HLCS: variants seen among roughly 807,000 people sequenced by gnomAD.
HLCS encodes the protein biotin--protein ligase.
A neutral mutation model predicts 75.0 loss-of-function variants in HLCS; 53 were observed. The ratio of observed to expected loss-of-function variants is 0.71; its 90% CI spans 0.57 to 0.89. The LOEUF is 0.89. Ranked by LOEUF, HLCS falls within the 40% of genes least tolerant of loss-of-function variation. The pLI, the probability that HLCS is intolerant of heterozygous loss-of-function variation, is 0.00. For synonymous variants in HLCS, 431 were observed against 428.6 expected (o/e 1.01, Z -0.07); for missense variants, 966 against 1,074.0 (o/e 0.90, Z 1.41).
intron 5 of HLCS, among the ~76,000 whole-genome samples, chr21:36,920,812 T>C (rs552107370): frequency 6.6e-6 from 1 of 152,288 alleles, no homozygotes; most frequent in East Asian, 1.9e-4. Context: ...TAAAGCATTT[T>C]ATTAACTAAA....
upstream of HLCS, among the ~76,000 whole-genome samples, chr21:36,971,149 G>C (rs13049080): frequency 0.21 from 31,235 of 152,060 alleles, 3,440 homozygotes; most frequent in East Asian, 0.34. Context: ...ACAATATTTA[G>C]AGCATCAAAA....
At chr21:36,948,180 A>G (rs2067494802) in intron 2 of HLCS, 1 of 154,546 alleles carries the variant, frequency 6.5e-6, no homozygotes, top group African/African-American at 2.4e-5. Flanking sequence ...AGTCCCAGCT[A>G]CTCGGGATGC....
intron 5 of HLCS, among the ~76,000 whole-genome samples, chr21:36,903,647 C>G (rs1056182222): frequency 1.3e-5 from 2 of 152,094 alleles, no homozygotes. Flanking sequence ...AGGAATAATG[C>G]AGGAATTATC....
At chr21:36,868,295 A>G (rs182414273) in intron 6 of HLCS, among the ~76,000 whole-genome samples, 108 of 103,806 alleles carry the variant, frequency 1.0e-3, no homozygotes, top group African/African-American at 5.0e-3. Flanking sequence ...AAGAAAGAAA[A>G]AGAAAAACAG....
chr21:36,766,846 C>T (rs1332523565), intron 7 of HLCS, among the ~76,000 whole-genome samples: 9 of 152,154 alleles, frequency 5.9e-5, no homozygotes, highest in Non-Finnish European at 1.0e-4. Context: ...AGGCCTCCCA[C>T]ATGACGCTCA....
chr21:36,835,608 C>T (rs1272016114), intron 6 of HLCS, among the ~76,000 whole-genome samples: 1 of 152,160 alleles, frequency 6.6e-6, no homozygotes, highest in East Asian at 1.9e-4. Context: ...CTCTCACTGG[C>T]CCAGGCAGGC....
chr21:36,780,365 C>T (rs529116912), intron 6 of HLCS, among the ~76,000 whole-genome samples: 1 of 152,188 alleles, frequency 6.6e-6, no homozygotes, highest in South Asian at 2.1e-4. Context: ...ACTACAGGTG[C>T]CCACCACCAC....
chr21:36,891,587 G>A (rs1027643310), intron 6 of HLCS, among the ~76,000 whole-genome samples: 3 of 152,110 alleles, frequency 2.0e-5, no homozygotes, highest in Admixed American at 2.0e-4. Flanking sequence ...ACCTTTGATC[G>A]AGTCCTGACC....
At chr21:36,989,046 A>T (rs185763474) in intron 1 of HLCS, among the ~76,000 whole-genome samples, 40,616 of 142,522 alleles carry the variant, frequency 0.28, 5,708 homozygotes, top group South Asian at 0.35. Flanking sequence ...TTATTTATTT[A>T]TTTTTTTTGA....
chr21:36,776,555 C>T (rs551605097), intron 6 of HLCS, among the ~76,000 whole-genome samples: 68 of 152,170 alleles, frequency 4.5e-4, no homozygotes, highest in Non-Finnish European at 8.4e-4. Flanking sequence ...GCTGGGATTA[C>T]AGGCGTGCAC....
chr21:36,962,100 G>A lies in HLCS; in HGVS notation c.266C>T (p.Ala89Val), dbSNP rs1343785389. ...SPFILEAEHI[A>V]FVTESIWVQS... ...TACCCAAATGCTCTCCGTCACAAAT[G>A]CTATGTGTTCTGCTTCAAGTATAAA... The change falls in exon 2 of 11, where the codon GCA (alanine) becomes GTA (valine). Residue 89 changes from alanine (A) to valine (V), a missense_variant. Ala to Val is a moderately conservative substitution (Grantham distance 64). Transcript: ENST00000674895. The A allele has an allele frequency of 3.1e-6, 4 of 1,288,676 alleles. No homozygotes were observed. The African/African-American group carries it at 6.1e-5, about 20-fold the overall frequency. 79.8% of individuals were successfully genotyped at this position (1,288,676 alleles called of 1,614,324 possible).
intron 6 of HLCS, among the ~76,000 whole-genome samples, chr21:36,782,949 C>G (rs1158189451): frequency 6.6e-6 from 1 of 152,130 alleles, no homozygotes; most frequent in Non-Finnish European, 1.5e-5. Context: ...TGCACTCCAG[C>G]CTGGGCGACA....
At chr21:36,886,036 C>A (rs1394404668) in intron 6 of HLCS, among the ~76,000 whole-genome samples, 1 of 151,734 alleles carries the variant, frequency 6.6e-6, no homozygotes, top group Non-Finnish European at 1.5e-5. Context: ...CAAATACTTT[C>A]TACCCCAGCT....
In HLCS at chr21:36,750,196, T is replaced by C. The variant is rs2089323975; in HGVS notation, c.*4050A>G. Among the ~76,000 whole-genome samples, 1 of 152,160 alleles carries C rather than the reference T, an allele frequency of 6.6e-6. No individual in the cohort carries two copies. The highest frequency in any genetic ancestry group is 6.5e-5 in the Admixed American group (1 of 15,280). Reference sequence around the variant, plus strand: ...GCTCCGGCAGGGGAAGAGGAAGCATTTTAATACATATGCCTCTCTTTTACA... The same window carrying C: ...GCTCCGGCAGGGGAAGAGGAAGCATCTTAATACATATGCCTCTCTTTTACA... On this transcript the variant is annotated 3_prime_UTR_variant, in exon 11 of 11. Coordinates refer to ENST00000674895, the MANE Select transcript of HLCS (RefSeq NM_001352514.2).
chr21:36,941,333 C>T (rs752038206), intron 2 of HLCS, among the ~76,000 whole-genome samples: 12 of 152,218 alleles, frequency 7.9e-5, no homozygotes, highest in Non-Finnish European at 1.3e-4. Flanking sequence ...TTTCCTGAGG[C>T]TTCTCCAGCC....
chr21:36,814,613 TAAG>T (rs927776404), intron 6 of HLCS, among the ~76,000 whole-genome samples: 23 of 152,298 alleles, frequency 1.5e-4, no homozygotes, highest in African/African-American at 5.1e-4. Context: ...AAGGCAGCTC[TAAG>T]AAGGGGTAGA....
At chr21:36,964,739 G>A (rs1375796497) in intron 1 of HLCS, among the ~76,000 whole-genome samples, 1 of 152,228 alleles carries the variant, frequency 6.6e-6, no homozygotes, top group East Asian at 1.9e-4. Context: ...GTAGTTAACA[G>A]AAGGCCAGCG....
chr21:36,808,572 T>C (rs1240141919), intron 6 of HLCS, among the ~76,000 whole-genome samples: 1 of 152,234 alleles, frequency 6.6e-6, no homozygotes, highest in African/African-American at 2.4e-5. Context: ...CTACCCCTGG[T>C]CTTTACCTTA....
In HLCS at chr21:36,964,949, C is replaced by T. The variant is rs192723312; in HGVS notation, c.195+1495G>A. 3.7e-4 allele frequency among the ~76,000 whole-genome samples: 57 copies of T among 152,326 alleles called. 1 individual carries two copies. The highest frequency in any genetic ancestry group is 1.3e-3 in the African/African-American group (56 of 41,576). ...CTTTCTCAATCAGGTTAATTCCCAACGCTCTAAGCCATACATTGTATGTAA... is the reference window on the plus strand; with the variant it reads ...CTTTCTCAATCAGGTTAATTCCCAATGCTCTAAGCCATACATTGTATGTAA... On this transcript the variant is annotated intron_variant, in intron 1 of 10. Transcript: ENST00000674895.
Sources: allele counts gnomAD v4.1 joint callset (sites outside exome capture counted in the v4.1 genomes callset), GRCh38; gene constraint gnomAD v4.1.1; transcripts MANE v1.5; gene names NCBI Gene and HGNC (gene_info 2026-07-23, HGNC 2026-07-21).